Variants in KCNA3 observed in about 807,000 individuals in gnomAD.
KCNA3 encodes the protein potassium voltage-gated channel subfamily A member 3.
In KCNA3, 18 loss-of-function variants were observed where a neutral mutation model predicts 34.3. The ratio of observed to expected loss-of-function variants is 0.52; its 90% CI spans 0.36 to 0.78. The LOEUF is 0.78. Among genes scored for constraint, KCNA3 ranks in the 30% least tolerant of loss-of-function variants. KCNA3 has a pLI of 0.00. For missense variants in KCNA3, 587 were observed against 802.5 expected, an observed-to-expected ratio of 0.73 and a Z score of 3.24; for synonymous variants, 324 against 351.7, an observed-to-expected ratio of 0.92 and a Z score of 0.88.
the KCNA3 span, among the ~76,000 whole-genome samples, chr1:110,663,450 G>C: frequency 6.6e-6 from 1 of 152,156 alleles, no homozygotes; most frequent in Non-Finnish European, 1.5e-5. Context: ...ATTTGGTAAG[G>C]AAATTGTGCC....
chr1:110,659,852 G>A, the KCNA3 span, among the ~76,000 whole-genome samples: 94 of 148,482 alleles, frequency 6.3e-4, no homozygotes, highest in African/African-American at 1.3e-3. Flanking sequence ...ACCAAACACC[G>A]CATGTTCTCA....
the KCNA3 span, among the ~76,000 whole-genome samples, chr1:110,665,541 T>C: frequency 1.3e-5 from 2 of 152,012 alleles, no homozygotes; most frequent in Admixed American, 6.6e-5. Flanking sequence ...TTTGGATATA[T>C]TAGGTTTGAG....
chr1:110,659,160 C>T, the KCNA3 span, among the ~76,000 whole-genome samples: 4 of 136,428 alleles, frequency 2.9e-5, no homozygotes, highest in African/African-American at 2.8e-5. Context: ...TGATTAAACA[C>T]AGTCCACTAC....
At chr1:110,667,070 T>G in the KCNA3 span, among the ~76,000 whole-genome samples, 8 of 150,558 alleles carry the variant, frequency 5.3e-5, no homozygotes, top group South Asian at 2.1e-4. Context: ...AGGTGAGGGG[T>G]GTGTGTGTGT....
the KCNA3 span, among the ~76,000 whole-genome samples, chr1:110,661,399 G>A: frequency 2.0e-5 from 3 of 152,192 alleles, no homozygotes; most frequent in Admixed American, 6.5e-5. Context: ...AAGTCTTAAC[G>A]CTGATTTTAG....
At chr1:110,655,813 A>G in the KCNA3 span, 3 of 152,270 alleles carry the variant, frequency 2.0e-5, no homozygotes, top group African/African-American at 7.2e-5. Flanking sequence ...TCATTCTAAT[A>G]TCTTTCCATC....
chr1:110,656,805 TTTAAC>T, the KCNA3 span: 1 of 152,216 alleles, frequency 6.6e-6, no homozygotes, highest in Non-Finnish European at 1.5e-5. Flanking sequence ...TACCTTAACA[TTTAAC>T]TAAACAAATG....
chr1:110,669,508 C>T (rs1384612459), downstream of KCNA3, among the ~76,000 whole-genome samples: 1 of 152,100 alleles, frequency 6.6e-6, no homozygotes, highest in Non-Finnish European at 1.5e-5. Flanking sequence ...GGTTAATTTT[C>T]AGTATACTGA....
downstream of KCNA3, among the ~76,000 whole-genome samples, chr1:110,668,911 C>T (rs1319782): frequency 0.67 from 101,678 of 152,110 alleles, 34,051 homozygotes; most frequent in Middle Eastern, 0.69. Context: ...CATGTGCAAA[C>T]GTAGGCTCAT....
At chr1:110,666,237 C>A in the KCNA3 span, among the ~76,000 whole-genome samples, 2 of 152,098 alleles carry the variant, frequency 1.3e-5, no homozygotes, top group East Asian at 3.9e-4. Flanking sequence ...TAATCAAGGG[C>A]ATCTTAAATT....
At chr1:110,669,382 T>C (rs1295856237), downstream of KCNA3, among the ~76,000 whole-genome samples, 1 of 152,214 alleles carries the variant, frequency 6.6e-6, no homozygotes, top group Non-Finnish European at 1.5e-5. Context: ...TAAATCTAGA[T>C]AAACCAACTA....
In KCNA3 at chr1:110,673,065, G is replaced by T; in HGVS notation, c.*17C>A. On this transcript the variant is annotated 3_prime_UTR_variant, in exon 1 of 1. Coordinates refer to ENST00000369769, the MANE Select transcript of KCNA3 (RefSeq NM_002232.5). This position sits in a 1 kb window ranked among gnomAD's most constrained non-coding sequence, Gnocchi z 8.8. Reference sequence around the variant, plus strand: ...TTCCACACAATACTGAGCACAGCATGTCACTTGTATCACATATTAAACATC... The same window carrying T: ...TTCCACACAATACTGAGCACAGCATTTCACTTGTATCACATATTAAACATC... The T allele has an allele frequency of 3.8e-6, 6 of 1,592,548 alleles. No homozygotes were observed. The highest frequency in any genetic ancestry group is 5.1e-6 in the Non-Finnish European group (6 of 1,168,866).
the KCNA3 span, among the ~76,000 whole-genome samples, chr1:110,665,907 C>T: frequency 1.3e-5 from 2 of 152,072 alleles, no homozygotes; most frequent in East Asian, 1.9e-4. Context: ...AGTGACCTTG[C>T]CAAGTACACT....
At chr1:110,672,260 C>T (rs749384895), downstream of KCNA3, among the ~76,000 whole-genome samples, 2 of 152,192 alleles carry the variant, frequency 1.3e-5, no homozygotes, top group African/African-American at 2.4e-5. Flanking sequence ...CTTTAATCTT[C>T]TTGTGATACT....
At position 110,674,755 on chromosome 1, in the gene KCNA3, G is replaced by T; in HGVS notation, c.55C>A (p.Arg19Ser). Reference sequence around the variant, plus strand: ...GCTGGGCGCTGAGGAGGGTGGGCGCGGTGGCGGGCTGAGGGCGGCGGCGGC... The same window carrying T: ...GCTGGGCGCTGAGGAGGGTGGGCGCTGTGGCGGGCTGAGGGCGGCGGCGGC... The part of the protein sequence containing the change: ...RSPPPPSARH[R>S]AHPPQRPASS... The change falls in exon 1 of 1, where the codon CGC becomes AGC. Residue 19 changes from arginine (R) to serine (S), a missense_variant. Arg to Ser is a moderately radical substitution (Grantham distance 110). This residue lies in a region of KCNA3 where 341 missense variants were observed against 355.4 expected (regional missense o/e 0.96). Transcript: ENST00000369769. The surrounding 1 kb of genome is among the most constrained non-coding windows in gnomAD (Gnocchi z 6.4). 1 of 1,368,484 alleles carries T rather than the reference G, an allele frequency of 7.3e-7. No individual in the cohort carries two copies. Among genetic ancestry groups the T allele is most frequent in the Non-Finnish European group, 9.4e-7 (1 of 1,068,606 alleles). 84.8% of individuals were successfully genotyped at this position (1,368,484 alleles called of 1,614,324 possible).
chr1:110,669,965 T>A, downstream of KCNA3, among the ~76,000 whole-genome samples: 1 of 152,168 alleles, frequency 6.6e-6, no homozygotes, highest in South Asian at 2.1e-4. Context: ...TGCCGTGTCA[T>A]GGAATTATTT....
rs1553187844 is a variant in KCNA3 at position 110,674,409 on chromosome 1, T to C, written c.401A>G (p.Lys134Arg). The change falls in exon 1 of 1, where the codon AAG becomes AGG. Residue 134 changes from lysine to arginine, a missense_variant. Coordinates refer to ENST00000369769, the MANE Select transcript of KCNA3 (RefSeq NM_002232.5). The surrounding 1 kb of genome is among the most constrained non-coding windows in gnomAD (Gnocchi z 6.4). ...CGGGTCGAAGTACCTCATGCGCCGC[T>C]TGGGGTCGCCCAGCAGCGTCTCGGG... ...QFPETLLGDP[K>R]RRMRYFDPLR... The C allele has an allele frequency of 6.2e-7, 1 of 1,613,978 alleles. No individual in the cohort carries two copies.
In KCNA3 at chr1:110,673,810, C is replaced by T. The variant is rs778597834; in HGVS notation, c.1000G>A (p.Val334Met). 6.2e-7 allele frequency: 1 copy of T among 1,614,144 alleles called. No homozygotes were observed. The highest frequency in any genetic ancestry group is 8.5e-7 in the Non-Finnish European group (1 of 1,180,028). Residue 334 changes from valine (V) to methionine (M), a missense_variant, in exon 1 of 1, where the codon GTG (valine) becomes ATG (methionine). By Grantham distance (21) the Val-to-Met change is conservative (BLOSUM62 1). Coordinates refer to ENST00000369769, the MANE Select transcript of KCNA3 (RefSeq NM_002232.5). The surrounding 1 kb of genome is among the most constrained non-coding windows in gnomAD (Gnocchi z 8.8). ...GTGATAAAATAAGGAATGATGGCCACAATGTCGATCAGGTTCATGATGTTT... is the reference window on the plus strand; with the variant it reads ...GTGATAAAATAAGGAATGATGGCCATAATGTCGATCAGGTTCATGATGTTT... ...SRNIMNLIDI[V>M]AIIPYFITLG... is the part of the protein sequence containing the mutation.
the KCNA3 span, chr1:110,655,489 T>G: frequency 6.6e-6 from 1 of 152,056 alleles, no homozygotes; most frequent in Non-Finnish European, 1.5e-5. Context: ...TATGCTAGAA[T>G]CACCATTTAT....
Sources: allele counts gnomAD v4.1 joint callset (sites outside exome capture counted in the v4.1 genomes callset), GRCh38; gene constraint gnomAD v4.1.1; regional missense constraint gnomAD v4.1.1; non-coding constraint Gnocchi (gnomAD v3.1); transcripts MANE v1.5; gene names NCBI Gene and HGNC (gene_info 2026-07-23, HGNC 2026-07-21).